PROM1: variants seen among roughly 807,000 people sequenced by gnomAD.
PROM1 encodes prominin 1.
A neutral mutation model predicts 116.9 loss-of-function variants in PROM1; 105 were observed. The ratio of observed to expected loss-of-function variants is 0.90; its 90% CI spans 0.77 to 1.06. The LOEUF is 1.06. Among genes scored for constraint, PROM1 ranks in the 50% least tolerant of loss-of-function variants. The pLI is 0.00. For synonymous variants in PROM1, 393 were observed against 387.0 expected (o/e 1.02, Z -0.18); for missense variants, 1,122 against 1,045.2 (o/e 1.07, Z -1.01).
intron 2 of PROM1, among the ~76,000 whole-genome samples, chr4:16,063,129 T>C (rs149361132): frequency 8.5e-5 from 13 of 152,246 alleles, no homozygotes; most frequent in African/African-American, 3.1e-4. Flanking sequence ...CTGATCTCTA[T>C]AAGTACTAGT....
chr4:16,028,648 G>T (rs754171873), intron 5 of PROM1, among the ~76,000 whole-genome samples: 1 of 151,710 alleles, frequency 6.6e-6, no homozygotes, highest in African/African-American at 2.4e-5. Context: ...GCAAAAAAAA[G>T]GTATGTGAAT....
chr4:16,014,520 G>A lies in PROM1; in HGVS notation c.1078-1182C>T, dbSNP rs1166920215. Reference sequence around the variant, plus strand: ...AAGGGACCACTTACTTTGTCGGTAAGTAAGTGTCTGGTAAACACATGTAGA... The same window carrying A: ...AAGGGACCACTTACTTTGTCGGTAAATAAGTGTCTGGTAAACACATGTAGA... On this transcript the variant is annotated intron_variant, in intron 10 of 27. Transcript: ENST00000447510. Among the ~76,000 whole-genome samples, 3 of 152,352 alleles carry A rather than the reference G, an allele frequency of 2.0e-5. No individual in the cohort carries two copies. The East Asian group carries it at 5.8e-4, about 29-fold the overall frequency.
intron 5 of PROM1, among the ~76,000 whole-genome samples, chr4:16,026,602 A>T (rs1373640609): frequency 6.6e-6 from 1 of 152,176 alleles, no homozygotes; most frequent in South Asian, 2.1e-4. Context: ...ATGACTAAAC[A>T]TCCCATTTTT....
At position 16,080,171 on chromosome 4, in the gene PROM1, G is replaced by A. The variant is rs991552133; in HGVS notation, c.-213+3807C>T. Among the ~76,000 whole-genome samples, 6 of 151,840 alleles carry A rather than the reference G, an allele frequency of 4.0e-5. No individual in the cohort carries two copies. In the East Asian group the frequency reaches 7.8e-4, roughly 20 times the overall value. Reference sequence around the variant, plus strand: ...CATACCACTGCACTCCAGCCTGGGCGACCTTACATGATTTTGAGCCTGGAG... The same window carrying A: ...CATACCACTGCACTCCAGCCTGGGCAACCTTACATGATTTTGAGCCTGGAG... On this transcript the variant is annotated intron_variant, in intron 1 of 27. Transcript: ENST00000447510.
chr4:15,968,487 A>C lies in PROM1; in HGVS notation c.*906T>G, dbSNP rs1713613371. ...TCCATGCTGGACACCAGATCTAAGA[A>C]TTGTGACAGGATCTTCTCATATTTC... On this transcript the variant is annotated 3_prime_UTR_variant, in exon 28 of 28. Transcript: ENST00000447510. 1 of 152,266 alleles carries C rather than the reference A, an allele frequency of 6.6e-6. No individual in the cohort carries two copies. Among genetic ancestry groups the C allele is most frequent in the South Asian group, 2.1e-4 (1 of 4,836 alleles). The allele number at this position is 152,266 out of a possible 1,614,324, so 9.4% of individuals were successfully genotyped here. A position where few individuals can be genotyped will look rare whatever the true frequency, so the allele number is the denominator to read the frequency against.
At chr4:16,053,893 A>C (rs3857151) in intron 2 of PROM1, among the ~76,000 whole-genome samples, 1 of 152,020 alleles carries the variant, frequency 6.6e-6, no homozygotes, top group Non-Finnish European at 1.5e-5. Flanking sequence ...TCAGGAGATC[A>C]AGACCAGTGT....
intron 1 of PROM1, chr4:16,083,392 C>T (rs919994340): frequency 1.3e-5 from 2 of 151,540 alleles, no homozygotes; most frequent in Non-Finnish European, 2.9e-5. Flanking sequence ...CGGGGCGTCG[C>T]GGGCCACCAC....
At chr4:16,061,946 C>T (rs9684077) in intron 2 of PROM1, among the ~76,000 whole-genome samples, 106,028 of 146,360 alleles carry the variant, frequency 0.72, 38,419 homozygotes, top group Non-Finnish European at 0.76. Flanking sequence ...GGCTGGAGTG[C>T]AGTGGCGCGA....
intron 10 of PROM1, among the ~76,000 whole-genome samples, chr4:16,013,853 C>G (rs1009130388): frequency 2.0e-5 from 3 of 151,922 alleles, no homozygotes; most frequent in Non-Finnish European, 2.9e-5. Context: ...AGACACTGAT[C>G]GGTACACTAT....
chr4:16,039,566 C>T (rs1054845165), intron 2 of PROM1, among the ~76,000 whole-genome samples: 15 of 152,030 alleles, frequency 9.9e-5, no homozygotes, highest in Admixed American at 2.6e-4. Context: ...GGTGAAACTC[C>T]GTCTCTACTA....
chr4:15,990,755 C>T (rs189946075), intron 18 of PROM1, among the ~76,000 whole-genome samples: 10 of 152,282 alleles, frequency 6.6e-5, no homozygotes, highest in Admixed American at 2.0e-4. Flanking sequence ...AAGGCATGCC[C>T]GCCAGCGCCA....
intron 8 of PROM1, among the ~76,000 whole-genome samples, chr4:16,019,383 C>T (rs372781917): frequency 2.5e-4 from 38 of 152,238 alleles, no homozygotes; most frequent in Non-Finnish European, 4.9e-4. Context: ...GCAGTGGCAG[C>T]GAGCCACAGC....
At chr4:15,984,175 A>C (rs1161889977) in intron 23 of PROM1, 88 bp downstream of exon 23, 1 of 1,111,726 alleles carries the variant, frequency 9.0e-7, no homozygotes, top group Non-Finnish European at 1.3e-6. Context: ...TCAAGCAGAA[A>C]ACAAATATTA....
chr4:16,072,915 G>C (rs1448726312), intron 2 of PROM1, among the ~76,000 whole-genome samples: 2 of 152,140 alleles, frequency 1.3e-5, no homozygotes, highest in Non-Finnish European at 2.9e-5. Context: ...CCCAGGAACT[G>C]ACAGTGCAAG....
intron 2 of PROM1, among the ~76,000 whole-genome samples, chr4:16,051,129 T>C (rs1737778779): frequency 6.6e-6 from 1 of 152,106 alleles, no homozygotes; most frequent in African/African-American, 2.4e-5. Context: ...AGTAGAAATA[T>C]CCAACTACTA....
At position 16,048,364 on chromosome 4, in the gene PROM1, A is replaced by G. The variant is rs77166214; in HGVS notation, c.221-9363T>C. ...ATGCATTGAAAAACCATTTTCTGCT[A>G]CAACAGGGCTGTACTTTTCAGTTTC... On this transcript the variant is annotated intron_variant, in intron 2 of 27. Transcript: ENST00000447510. Among the ~76,000 whole-genome samples, 42 of 152,312 alleles carry G rather than the reference A, an allele frequency of 2.8e-4. No homozygotes were observed. The East Asian group carries it at 8.1e-3, about 29-fold the overall frequency.
At chr4:16,039,395 T>G (rs1421691308) in intron 2 of PROM1, among the ~76,000 whole-genome samples, 1 of 152,244 alleles carries the variant, frequency 6.6e-6, no homozygotes, top group Non-Finnish European at 1.5e-5. Context: ...ATTCCACATT[T>G]GCCTGATATT....
chr4:15,997,726 A>C (rs1372326099), intron 15 of PROM1, among the ~76,000 whole-genome samples: 1 of 152,138 alleles, frequency 6.6e-6, no homozygotes, highest in African/African-American at 2.4e-5. Flanking sequence ...CAGCCTCCCA[A>C]AGTGCTGGGA....
At chr4:16,050,519 A>G (rs1204251667) in intron 2 of PROM1, among the ~76,000 whole-genome samples, 1 of 151,956 alleles carries the variant, frequency 6.6e-6, no homozygotes, top group Non-Finnish European at 1.5e-5. Flanking sequence ...ACATCCAGCT[A>G]ATTTTTGTAT....
Sources: gnomAD v4.1 joint callset for allele counts (sites outside exome capture counted in the v4.1 genomes callset) on GRCh38, gnomAD v4.1.1 for gene constraint, MANE v1.5 for transcripts, NCBI Gene and HGNC (gene_info 2026-07-23, HGNC 2026-07-21) for gene names.